WDR48: variants seen among roughly 807,000 people sequenced by gnomAD.
WDR48 encodes WD repeat domain 48.
WDR48 carries 22 observed loss-of-function variants against 94.0 expected under a neutral mutation model. That is an observed-to-expected ratio of 0.23 (90% confidence interval 0.17 to 0.33). The LOEUF (loss-of-function observed/expected upper bound fraction) is 0.33. WDR48 is among the 10% of genes least tolerant of loss of function. The pLI is 1.00. For synonymous variants in WDR48, 278 were observed against 280.5 expected (o/e 0.99, Z 0.09); for missense variants, 541 against 813.8 (o/e 0.66, Z 4.08).
chr3:39,066,502 T>G (rs10510698), intron 3 of WDR48, 46 bp from the exon 4 acceptor site: 512,138 of 1,532,380 alleles, frequency 0.33, 94,527 homozygotes, highest in African/African-American at 0.78. Context: ...TTTCAAAGTT[T>G]TAAGTCATAC....
At chr3:39,089,593 C>T (rs895263488) in intron 16 of WDR48, 1 of 220,756 alleles carries the variant, frequency 4.5e-6, no homozygotes, top group African/African-American at 2.3e-5. Flanking sequence ...TTCATTCTTG[C>T]CCATTCACTC....
At chr3:39,089,879 A>G (rs936483017) in intron 16 of WDR48, 4 of 152,250 alleles carry the variant, frequency 2.6e-5, no homozygotes, top group Non-Finnish European at 5.9e-5. Context: ...TAAATGTACC[A>G]TAATTTATTT....
rs2032447111 is a variant in WDR48 at position 39,052,189 on chromosome 3, CGGGGCGCGGCCGGCCACGAGGGGT to C, written c.48+122_48+145del. The stretch of plus-strand genomic sequence containing the variant: ...GGGTAGCGGCATGGGGCGAACGGGG[CGGGGCGCGGCCGGCCACGAGGGGT>C]GGGGCCGCGGCGCTAACGGCTTGAG... On this transcript the variant is annotated intron_variant, in intron 1 of 18. Coordinates refer to ENST00000302313, the MANE Select transcript of WDR48 (RefSeq NM_020839.4). The C allele has an allele frequency of 7.6e-6, 10 of 1,310,374 alleles. No homozygotes were observed. In the Admixed American group the frequency reaches 9.1e-5, roughly 12 times the overall value. The allele number at this position is 1,310,374 out of a possible 1,614,324, so 81.2% of individuals were successfully genotyped here.
intron 10 of WDR48, 65 bp from the exon 11 acceptor site, chr3:39,079,646 T>C: frequency 8.2e-7 from 1 of 1,218,082 alleles, no homozygotes; most frequent in Non-Finnish European, 1.1e-6. Flanking sequence ...TTAACAATTG[T>C]TACCACACCA....
Position 39,094,873 on chromosome 3 carries a change from T to C in WDR48, c.*130T>C. On this transcript the variant is annotated 3_prime_UTR_variant, in exon 19 of 19. Coordinates refer to ENST00000302313, the MANE Select transcript of WDR48 (RefSeq NM_020839.4). ...GGCTGATTGGTATGGACCGAGATTA[T>C]CTTTCAATTGAAGTGACTAATCGAG... 1.7e-6 allele frequency: 2 copies of C among 1,189,876 alleles called. 1 individual carries two copies. The highest frequency in any genetic ancestry group is 2.9e-5 in the South Asian group (2 of 68,752). 73.7% of individuals were successfully genotyped at this position (1,189,876 alleles called of 1,614,324 possible). A position where few individuals can be genotyped will look rare whatever the true frequency, so the allele number is the denominator to read the frequency against.
At chr3:39,094,411 T>C in intron 18 of WDR48, 1 of 1,513,094 alleles carries the variant, frequency 6.6e-7, no homozygotes, top group Non-Finnish European at 8.8e-7. Flanking sequence ...TCAAAACGTA[T>C]CCTCAGAGGA....
chr3:39,070,782 G>A (rs930421331), intron 7 of WDR48, among the ~76,000 whole-genome samples: 5 of 151,298 alleles, frequency 3.3e-5, no homozygotes, highest in South Asian at 4.2e-4. Flanking sequence ...ATGCTGGTGC[G>A]CTGCACCCAC....
At chr3:39,063,309 A>G in intron 2 of WDR48, 119 bp downstream of exon 2, 2 of 1,339,184 alleles carry the variant, frequency 1.5e-6, no homozygotes. Flanking sequence ...TATTTGGTAC[A>G]CTCTATAAAG....
chr3:39,083,353 T>C (rs1559620899), intron 11 of WDR48, among the ~76,000 whole-genome samples: 1 of 152,182 alleles, frequency 6.6e-6, no homozygotes, highest in Non-Finnish European at 1.5e-5. Context: ...ATTTTTCAGA[T>C]GTAAGAAATT....
At chr3:39,062,680 T>C (rs2033343791) in intron 1 of WDR48, among the ~76,000 whole-genome samples, 1 of 152,184 alleles carries the variant, frequency 6.6e-6, no homozygotes, top group African/African-American at 2.4e-5. Flanking sequence ...GAGACCATGT[T>C]AAGGAATTTA....
At chr3:39,091,094 G>A (rs1277606720) in intron 16 of WDR48, 1 of 152,326 alleles carries the variant, frequency 6.6e-6, no homozygotes, top group African/African-American at 2.4e-5. Flanking sequence ...CTTCATGGTA[G>A]ACATCTGGGT....
At chr3:39,091,545 A>G (rs954814261) in intron 16 of WDR48, 80 bp from the exon 17 acceptor site, 3 of 1,041,036 alleles carry the variant, frequency 2.9e-6, no homozygotes, top group African/African-American at 3.3e-5. Flanking sequence ...ATTACTTGCA[A>G]GTCATGTTTT....
At chr3:39,074,605 C>T in intron 7 of WDR48, 121 bp from the exon 8 acceptor site, 1 of 981,950 alleles carries the variant, frequency 1.0e-6, no homozygotes. Flanking sequence ...TTATCAGAGG[C>T]AGAAACACAG....
intron 11 of WDR48, among the ~76,000 whole-genome samples, chr3:39,080,252 T>C (rs779503401): frequency 1.3e-5 from 2 of 152,134 alleles, no homozygotes; most frequent in Non-Finnish European, 2.9e-5. Flanking sequence ...TGTTGCCAGA[T>C]GTTTGGAGGG....
In WDR48 at chr3:39,074,809, T is replaced by C; in HGVS notation, c.756T>C (p.Asp252=). Residue 252 remains aspartate (D), a synonymous_variant, in exon 8 of 19, where the codon GAT becomes GAC. Transcript: ENST00000302313. ...GTATAGCAACATACCGAGTCCATGA[T>C]GAAGGTGTTTGGGCGCTGCAAGTCA... ...QRCIATYRVH[D]EGVWALQVND... 6.2e-7 allele frequency: 1 copy of C among 1,614,214 alleles called. No homozygotes were observed. The highest frequency in any genetic ancestry group is 8.5e-7 in the Non-Finnish European group (1 of 1,180,036).
Position 39,094,799 on chromosome 3 carries a change from A to G in WDR48, c.*56A>G, listed in dbSNP as rs1463168323. The G allele has an allele frequency of 9.3e-6, 15 of 1,604,704 alleles. No homozygotes were observed. The highest frequency in any genetic ancestry group is 1.7e-6 in the Non-Finnish European group (2 of 1,175,986). ...TACGACCTTCCTCTATGGCCCCAAG[A>G]GTAGTCCTAGGAAGCCCACTGATCC... On this transcript the variant is annotated 3_prime_UTR_variant, in exon 19 of 19. Transcript: ENST00000302313.
intron 13 of WDR48, among the ~76,000 whole-genome samples, 196 bp from the exon 14 acceptor site, chr3:39,085,319 T>C (rs1319169487): frequency 6.6e-6 from 1 of 152,228 alleles, no homozygotes; most frequent in African/African-American, 2.4e-5. Context: ...CATAGCATCA[T>C]TGCTTTAAAC....
chr3:39,078,977 C>A, intron 10 of WDR48, among the ~76,000 whole-genome samples: 1 of 149,974 alleles, frequency 6.7e-6, no homozygotes. Flanking sequence ...TTGCAGTGAG[C>A]CGAGATCCCG....
chr3:39,059,093 A>T (rs1199019886), intron 1 of WDR48, among the ~76,000 whole-genome samples: 3 of 151,040 alleles, frequency 2.0e-5, no homozygotes, highest in Non-Finnish European at 4.4e-5. Flanking sequence ...AAAAAAAAAA[A>T]AAATACAGAA....
Sources: allele counts gnomAD v4.1 joint callset (sites outside exome capture counted in the v4.1 genomes callset), GRCh38; gene constraint gnomAD v4.1.1; transcripts MANE v1.5; gene names NCBI Gene and HGNC (gene_info 2026-07-23, HGNC 2026-07-21).